The following PCDH7 variants were observed in gnomAD, a reference collection of about 807,000 sequenced individuals.
PCDH7 encodes protocadherin 7.
Under a neutral mutation model 58.9 loss-of-function variants are expected in PCDH7, and 17 were observed. That is an observed-to-expected ratio of 0.29 (90% confidence interval 0.20 to 0.43). The LOEUF (loss-of-function observed/expected upper bound fraction) is 0.43, where lower values mean the gene tolerates loss of function less well. Among genes scored for constraint, PCDH7 ranks in the 20% least tolerant of loss-of-function variants. PCDH7 has a pLI of 1.00. For synonymous variants in PCDH7, 664 were observed against 616.4 expected, an observed-to-expected ratio of 1.08 and a Z score of -1.14; for missense variants, 1,274 against 1,441.0, an observed-to-expected ratio of 0.88 and a Z score of 1.88.
chr4:30,866,528 C>T (rs1227147445), intron 1 of PCDH7, among the ~76,000 whole-genome samples: 9 of 151,952 alleles, frequency 5.9e-5, no homozygotes, highest in Non-Finnish European at 7.4e-5. Flanking sequence ...ATTGCTGTAA[C>T]GTTAGAGCAA....
intron 3 of PCDH7, among the ~76,000 whole-genome samples, chr4:31,070,808 T>C (rs767683397): frequency 8.5e-5 from 13 of 152,092 alleles, no homozygotes; most frequent in Non-Finnish European, 1.2e-4. Context: ...TTTTATTAAT[T>C]TTTGTCCCAG....
intron 3 of PCDH7, among the ~76,000 whole-genome samples, chr4:31,017,649 A>G (rs916912894): frequency 6.6e-6 from 1 of 152,162 alleles, no homozygotes; most frequent in Non-Finnish European, 1.5e-5. Context: ...AAAAGCAACA[A>G]TAATGATCGT....
intron 1 of PCDH7, among the ~76,000 whole-genome samples, chr4:30,919,111 T>C (rs1266366389): frequency 1.3e-5 from 2 of 152,162 alleles, no homozygotes; most frequent in Non-Finnish European, 2.9e-5. Context: ...GTCTGAGTTA[T>C]AAGTTTAAAA....
chr4:30,911,331 C>CA (rs1408022922), intron 1 of PCDH7, among the ~76,000 whole-genome samples: 6 of 94,080 alleles, frequency 6.4e-5, no homozygotes, highest in Admixed American at 1.1e-4. Flanking sequence ...CCCCCCCCCC[C>CA]AAAAAAAAGA....
At chr4:30,938,481 T>TACAC (rs35485597) in intron 2 of PCDH7, among the ~76,000 whole-genome samples, 62 of 148,726 alleles carry the variant, frequency 4.2e-4, no homozygotes, top group South Asian at 2.4e-3. Context: ...GGGAAAAACA[T>TACAC]ACACACACAC....
At chr4:31,128,812 A>G (rs1718627126) in intron 3 of PCDH7, among the ~76,000 whole-genome samples, 1 of 152,178 alleles carries the variant, frequency 6.6e-6, no homozygotes, top group Non-Finnish European at 1.5e-5. Context: ...GGTTATTCCC[A>G]TTGACTACAT....
intron 1 of PCDH7, among the ~76,000 whole-genome samples, chr4:30,772,258 G>A (rs1333646589): frequency 1.3e-5 from 2 of 152,162 alleles, no homozygotes; most frequent in East Asian, 3.9e-4. Flanking sequence ...TAAAATGAAT[G>A]TATTTAGTTA....
At chr4:31,001,194 G>A (rs1752336410) in intron 3 of PCDH7, among the ~76,000 whole-genome samples, 1 of 151,984 alleles carries the variant, frequency 6.6e-6, no homozygotes, top group Non-Finnish European at 1.5e-5. Flanking sequence ...CTTGACTCAT[G>A]TACCCTAATT....
intron 1 of PCDH7, among the ~76,000 whole-genome samples, chr4:30,815,179 A>G (rs1727515203): frequency 6.6e-6 from 1 of 151,720 alleles, no homozygotes. Flanking sequence ...TTTTTTCATT[A>G]TAATTTATAT....
At chr4:31,130,754 T>C (rs995899176) in intron 3 of PCDH7, among the ~76,000 whole-genome samples, 1 of 152,322 alleles carries the variant, frequency 6.6e-6, no homozygotes, top group South Asian at 2.1e-4. Context: ...TCTTCAAAGC[T>C]GGCAATGACA....
intron 1 of PCDH7, among the ~76,000 whole-genome samples, chr4:30,858,771 A>G (rs531329255): frequency 6.6e-6 from 1 of 152,190 alleles, no homozygotes; most frequent in African/African-American, 2.4e-5. Context: ...TTAGTTCTTC[A>G]TCTTGTTATC....
At chr4:30,785,216 G>A (rs1479322776) in intron 1 of PCDH7, among the ~76,000 whole-genome samples, 2 of 151,942 alleles carry the variant, frequency 1.3e-5, no homozygotes, top group African/African-American at 2.4e-5. Context: ...TGTGGTCCTG[G>A]TATACATTAC....
chr4:30,861,049 G>A (rs75961369), intron 1 of PCDH7, among the ~76,000 whole-genome samples: 168 of 152,262 alleles, frequency 1.1e-3, no homozygotes, highest in African/African-American at 3.7e-3. Flanking sequence ...GAAGATCTTA[G>A]CTACTTGGCA....
intron 1 of PCDH7, among the ~76,000 whole-genome samples, chr4:30,771,805 A>G (rs982246083): frequency 1.3e-5 from 2 of 152,188 alleles, no homozygotes; most frequent in African/African-American, 2.4e-5. Flanking sequence ...TTTATCATAA[A>G]ATCATAAAGG....
intron 3 of PCDH7, among the ~76,000 whole-genome samples, chr4:31,086,386 CTG>C (rs1326557685): frequency 6.6e-6 from 1 of 152,124 alleles, no homozygotes; most frequent in Non-Finnish European, 1.5e-5. Context: ...TGCTGTGTGT[CTG>C]TGTGTGCACA....
At chr4:30,726,160 T>A (rs1252924100) in intron 1 of PCDH7, among the ~76,000 whole-genome samples, 2 of 152,042 alleles carry the variant, frequency 1.3e-5, no homozygotes, top group Non-Finnish European at 2.9e-5. Context: ...CTTTTATTGG[T>A]GTTGTAAACA....
chr4:30,753,066 TA>T (rs1718780043), intron 1 of PCDH7, among the ~76,000 whole-genome samples: 1 of 152,090 alleles, frequency 6.6e-6, no homozygotes, highest in Non-Finnish European at 1.5e-5. Context: ...TAAAATATAT[TA>T]ATGAAAGTGA....
At chr4:30,987,151 A>G (rs1048504361) in intron 3 of PCDH7, among the ~76,000 whole-genome samples, 4 of 152,150 alleles carry the variant, frequency 2.6e-5, no homozygotes, top group Admixed American at 6.6e-5. Flanking sequence ...GCTAATACAT[A>G]TTATTCTTCT....
At chr4:31,143,163 T>G (rs565597175), downstream of PCDH7, 1 of 197,704 alleles carries the variant, frequency 5.1e-6, no homozygotes, top group East Asian at 1.3e-4. Context: ...TAGTTGCAAG[T>G]TTCTTTCACA....
Sources: gnomAD v4.1 joint callset for allele counts (sites outside exome capture counted in the v4.1 genomes callset) on GRCh38, gnomAD v4.1.1 for gene constraint, MANE v1.5 for transcripts, NCBI Gene and HGNC (gene_info 2026-07-23, HGNC 2026-07-21) for gene names.